Variants in LAT2 observed in about 807,000 individuals in gnomAD.
LAT2 encodes linker for activation of T cells family member 2.
Under a neutral mutation model 43.4 loss-of-function variants are expected in LAT2, and 23 were observed. The ratio of observed to expected loss-of-function variants is 0.53; its 90% CI spans 0.38 to 0.75. The LOEUF (loss-of-function observed/expected upper bound fraction) is 0.75. LAT2 is among the 30% of genes least tolerant of loss of function. The pLI is 0.00. For synonymous variants in LAT2, 128 were observed against 123.2 expected, an observed-to-expected ratio of 1.04 and a Z score of -0.26; for missense variants, 284 against 310.2, an observed-to-expected ratio of 0.92 and a Z score of 0.64.
Position 74,220,067 on chromosome 7 carries a change from T to C in LAT2, c.227+59T>C. 1.9e-6 allele frequency: 3 copies of C among 1,593,440 alleles called. No homozygotes were observed. Among genetic ancestry groups the C allele is most frequent in the Non-Finnish European group, 1.7e-6 (2 of 1,165,946 alleles). On this transcript the variant is annotated intron_variant, in intron 6 of 13. Transcript: ENST00000460943. This position sits in a 1 kb window ranked among gnomAD's most constrained non-coding sequence, Gnocchi z 4.5. ...GAAAGTCCTGGAGGTCCTCACCTGG[T>C]GAGCCCAGGTCAAGACCTCCCTCCC...
intron 1 of LAT2, among the ~76,000 whole-genome samples, chr7:74,211,119 A>G (rs1159971116): frequency 6.6e-6 from 1 of 152,164 alleles, no homozygotes; most frequent in Non-Finnish European, 1.5e-5. Flanking sequence ...GGTCTGTGGC[A>G]GCCCCCACTC....
In LAT2 at chr7:74,224,762, T is replaced by C. The variant is rs781879624; in HGVS notation, c.*18+2T>C. The C allele has an allele frequency of 1.5e-5, 23 of 1,542,534 alleles. No homozygotes were observed. The South Asian group carries it at 2.3e-4, about 15-fold the overall frequency. ...GCCTAGGGCAGACCAAGAAGAAAGG[T>C]ACAGCCCCTGCTCTCCAGCTGCCGT... On this transcript the variant is annotated splice_donor_variant, in intron 13 of 13. Coordinates refer to ENST00000460943, the MANE Select transcript of LAT2 (RefSeq NM_032464.3). LOFTEE classifies it low-confidence loss of function (3UTR_SPLICE).
Position 74,220,061 on chromosome 7 carries a change from A to C in LAT2, c.227+53A>C. On this transcript the variant is annotated intron_variant, in intron 6 of 13. Coordinates refer to ENST00000460943, the MANE Select transcript of LAT2 (RefSeq NM_032464.3). This position sits in a 1 kb window ranked among gnomAD's most constrained non-coding sequence, Gnocchi z 4.5. Reference sequence around the variant, plus strand: ...AAGAATGAAAGTCCTGGAGGTCCTCACCTGGTGAGCCCAGGTCAAGACCTC... The same window carrying C: ...AAGAATGAAAGTCCTGGAGGTCCTCCCCTGGTGAGCCCAGGTCAAGACCTC... The C allele has an allele frequency of 6.2e-7, 1 of 1,600,906 alleles. No individual in the cohort carries two copies. Among genetic ancestry groups the C allele is most frequent in the Non-Finnish European group, 8.5e-7 (1 of 1,171,804 alleles).
Position 74,219,828 on chromosome 7 carries a change from G to A in LAT2, c.178+41G>A, listed in dbSNP as rs782188963. ...TCCCCGGGTTGGGCTCTGGGTTGGG[G>A]GTGTCCCTATCAAGTTATCTCGGTC... On this transcript the variant is annotated intron_variant, in intron 5 of 13. Transcript: ENST00000460943. 9 of 1,613,460 alleles carry A rather than the reference G, an allele frequency of 5.6e-6. No homozygotes were observed. The South Asian group carries it at 6.6e-5, about 12-fold the overall frequency.
At chr7:74,227,673 G>A (rs568874147) in intron 13 of LAT2, among the ~76,000 whole-genome samples, 1 of 152,328 alleles carries the variant, frequency 6.6e-6, no homozygotes, top group South Asian at 2.1e-4. Context: ...CAGCAGTGGA[G>A]ACAGGGGTAG....
chr7:74,220,286 C>T lies in LAT2; in HGVS notation c.265+32C>T. 1 of 1,599,014 alleles carries T rather than the reference C, an allele frequency of 6.3e-7. No homozygotes were observed. The highest frequency in any genetic ancestry group is 1.1e-5 in the South Asian group (1 of 89,624). ...GGCACAGGGCAGGGACAGGGACAGGCCTAGCCAAGCTGGGACTAAGACAGG... is the reference window on the plus strand; with the variant it reads ...GGCACAGGGCAGGGACAGGGACAGGTCTAGCCAAGCTGGGACTAAGACAGG... On this transcript the variant is annotated intron_variant, in intron 7 of 13. Transcript: ENST00000460943. This position sits in a 1 kb window ranked among gnomAD's most constrained non-coding sequence, Gnocchi z 4.5.
intron 13 of LAT2, chr7:74,225,336 G>C (rs1802448246): frequency 1.3e-5 from 2 of 153,266 alleles, no homozygotes; most frequent in Admixed American, 1.3e-4. Flanking sequence ...GGAGGTTGCG[G>C]TGAGTTAAGA....
At chr7:74,219,245 T>C (rs1383864191) in intron 4 of LAT2, among the ~76,000 whole-genome samples, 5 of 152,054 alleles carry the variant, frequency 3.3e-5, no homozygotes, top group African/African-American at 1.2e-4. Flanking sequence ...TGTGTGCTTT[T>C]TTAAGGAATT....
At chr7:74,214,783 ATATATATATT>A (rs1563968815) in intron 1 of LAT2, 29 bp from the exon 2 acceptor site, 1 of 85,864 alleles carries the variant, frequency 1.2e-5, no homozygotes, top group African/African-American at 5.6e-5. Flanking sequence ...ATAAATATAT[ATATATATATT>A]TTTTTTTTTT....
chr7:74,214,372 ATG>A (rs1294000892), intron 1 of LAT2, among the ~76,000 whole-genome samples: 1 of 68,872 alleles, frequency 1.5e-5, no homozygotes, highest in Non-Finnish European at 2.5e-5. Flanking sequence ...ATATATATAT[ATG>A]AAAATATATA....
At position 74,219,789 on chromosome 7, in the gene LAT2, T is replaced by A; in HGVS notation, c.178+2T>A. 1 of 1,614,022 alleles carries A rather than the reference T, an allele frequency of 6.2e-7. No individual in the cohort carries two copies. The highest frequency in any genetic ancestry group is 8.5e-7 in the Non-Finnish European group (1 of 1,179,982). ...TTACGGGGTCCCGGACCTACTCCTG[T>A]GAGTCTCCAAGTGTCCCCGGGTTGG... On this transcript the variant is annotated splice_donor_variant, in intron 5 of 13. Coordinates refer to ENST00000460943, the MANE Select transcript of LAT2 (RefSeq NM_032464.3). LOFTEE classifies it high-confidence loss of function.
Position 74,214,191 on chromosome 7 carries a change from TATATATATGAAA to T in LAT2, c.-218-610_-218-599del, listed in dbSNP as rs1399231054. On this transcript the variant is annotated intron_variant, in intron 1 of 13. Coordinates refer to ENST00000460943, the MANE Select transcript of LAT2 (RefSeq NM_032464.3). ...ATATATATATGAAAATATATATAAATATATATATGAAAATATATATGAAAATATATATATGAA... is the reference window on the plus strand; with the variant it reads ...ATATATATATGAAAATATATATAAATATATATATGAAAATATATATATGAA... Among the ~76,000 whole-genome samples the T allele has an allele frequency of 2.9e-4, 29 of 98,370 alleles. 1 individual carries two copies. The highest frequency in any genetic ancestry group is 4.4e-4 in the Admixed American group (3 of 6,850). The allele number at this position is 98,370 out of a possible 152,430, so 64.5% of individuals were successfully genotyped here.
chr7:74,226,010 G>C (rs1461492840), intron 13 of LAT2: 2 of 152,316 alleles, frequency 1.3e-5, no homozygotes, highest in Non-Finnish European at 2.9e-5. Flanking sequence ...AGAGAAAACA[G>C]ATAGGGCTGG....
At chr7:74,223,474 G>A (rs782616368) in intron 10 of LAT2, among the ~76,000 whole-genome samples, 2 of 152,134 alleles carry the variant, frequency 1.3e-5, no homozygotes, top group African/African-American at 4.8e-5. Flanking sequence ...GGGTGACAGA[G>A]CAAGACCGTC....
At chr7:74,217,642 CGGG>C (rs1307043396) in intron 4 of LAT2, among the ~76,000 whole-genome samples, 2 of 152,074 alleles carry the variant, frequency 1.3e-5, no homozygotes, top group African/African-American at 4.8e-5. Context: ...GCAAGTCCCT[CGGG>C]GGACCAGGGA....
chr7:74,217,084 C>T (rs1012022393), intron 4 of LAT2, among the ~76,000 whole-genome samples: 3 of 152,086 alleles, frequency 2.0e-5, no homozygotes, highest in South Asian at 2.1e-4. Context: ...GAGGCGGGGA[C>T]GCCTGGGCTG....
chr7:74,217,299 T>C (rs1802080025), intron 4 of LAT2, among the ~76,000 whole-genome samples: 1 of 152,004 alleles, frequency 6.6e-6, no homozygotes. Context: ...GGCGTGGTGG[T>C]GGGTCCCTCT....
rs782635120 is a variant in LAT2, at chr7:74,220,246, G to T, written c.257G>T (p.Ser86Ile). Reference protein sequence around the residue: ...RKDKLLQFYPSLEDPASSRYQ... With the variant: ...RKDKLLQFYPILEDPASSRYQ... ...GACAAGCTGTTGCAATTCTACCCCA[G>T]CCTGGAGGGTGAGTGGCACAGGGCA... Residue 86 changes from serine to isoleucine, a missense_variant, in exon 7 of 14, where the codon AGC becomes ATC. Ser to Ile is a moderately radical substitution (Grantham distance 142). Transcript: ENST00000460943. The surrounding 1 kb of genome is among the most constrained non-coding windows in gnomAD (Gnocchi z 4.5). 2.5e-6 allele frequency: 4 copies of T among 1,611,676 alleles called. No individual in the cohort carries two copies. The Admixed American group carries it at 6.7e-5, about 27-fold the overall frequency.
In LAT2 at chr7:74,216,023, G is replaced by A; in HGVS notation, c.48G>A (p.Val16=). 1 of 1,613,760 alleles carries A rather than the reference G, an allele frequency of 6.2e-7. No individual in the cohort carries two copies. Among genetic ancestry groups the A allele is most frequent in the South Asian group, 1.1e-5 (1 of 91,074 alleles). Residue 16 remains valine, a synonymous_variant, in exon 3 of 14, where the codon GTG becomes GTA. Transcript: ENST00000460943. ...ELLWPGAALL[V]LLGVAASLCV... ...TGTGGCCCGGAGCAGCGCTGCTGGT[G>A]CTGTTGGGGGTGGCAGCCAGTCTGT...
Sources: allele counts gnomAD v4.1 joint callset (sites outside exome capture counted in the v4.1 genomes callset), GRCh38; gene constraint gnomAD v4.1.1; non-coding constraint Gnocchi (gnomAD v3.1); transcripts MANE v1.5; gene names NCBI Gene and HGNC (gene_info 2026-07-23, HGNC 2026-07-21).